PRKG1: variants seen among roughly 807,000 people sequenced by gnomAD.
PRKG1 encodes protein kinase cGMP-dependent 1.
In PRKG1, 35 loss-of-function variants were observed where a neutral mutation model predicts 88.1. The observed-to-expected ratio is 0.40, with a 90% CI of 0.30 to 0.53. The LOEUF is 0.53. Among genes scored for constraint, PRKG1 ranks in the 20% least tolerant of loss-of-function variants. PRKG1 has a pLI of 0.59. For synonymous variants in PRKG1, 303 were observed against 292.5 expected, an observed-to-expected ratio of 1.04 and a Z score of -0.37; for missense variants, 540 against 839.8, an observed-to-expected ratio of 0.64 and a Z score of 4.41.
chr10:51,196,521 G>A (rs895724791), intron 2 of PRKG1, among the ~76,000 whole-genome samples: 2 of 152,080 alleles, frequency 1.3e-5, no homozygotes. Flanking sequence ...AATAAAAATT[G>A]TACCAACTTT....
intron 1 of PRKG1, among the ~76,000 whole-genome samples, chr10:51,114,397 T>C (rs1445410387): frequency 6.6e-6 from 1 of 151,440 alleles, no homozygotes; most frequent in Non-Finnish European, 1.5e-5. Context: ...CAGTCAGCAA[T>C]TTGTCAGTTG....
At position 51,631,156 on chromosome 10, in the gene PRKG1, C is replaced by A. The variant is rs1372036631; in HGVS notation, c.592+163320C>A. On this transcript the variant is annotated intron_variant, in intron 3 of 17. Coordinates refer to ENST00000373980, the MANE Select transcript of PRKG1 (RefSeq NM_006258.4). The stretch of plus-strand genomic sequence containing the variant: ...TATTCTTGGTATTTTATTTTAAATG[C>A]AACTTTCCTTTTGTTGGCATTCTTA... Among the ~76,000 whole-genome samples, 4 of 152,154 alleles carry A rather than the reference C, an allele frequency of 2.6e-5. No homozygotes were observed. In the East Asian group the frequency reaches 7.7e-4, roughly 29 times the overall value.
chr10:52,204,062 G>A (rs1839745227), intron 9 of PRKG1, among the ~76,000 whole-genome samples: 1 of 142,578 alleles, frequency 7.0e-6, no homozygotes, highest in Non-Finnish European at 1.5e-5. Context: ...CTGTCACCAT[G>A]TTGTTCGCTG....
intron 5 of PRKG1, among the ~76,000 whole-genome samples, chr10:51,951,936 A>G (rs1425948697): frequency 6.6e-6 from 1 of 152,210 alleles, no homozygotes; most frequent in Non-Finnish European, 1.5e-5. Context: ...TTCATGCCAC[A>G]TCAATATTAT....
intron 4 of PRKG1, among the ~76,000 whole-genome samples, chr10:51,828,049 A>C (rs928765397): frequency 6.6e-6 from 1 of 152,168 alleles, no homozygotes; most frequent in African/African-American, 2.4e-5. Flanking sequence ...AAAAGTCAGT[A>C]ATGACTAATT....
At chr10:51,482,022 G>A (rs548171293) in intron 3 of PRKG1, among the ~76,000 whole-genome samples, 42 of 152,036 alleles carry the variant, frequency 2.8e-4, no homozygotes, top group African/African-American at 8.9e-4. Flanking sequence ...TCTGTACTTC[G>A]AAAGCATTAT....
At chr10:51,279,192 C>T (rs1329036701) in intron 2 of PRKG1, among the ~76,000 whole-genome samples, 2 of 152,148 alleles carry the variant, frequency 1.3e-5, no homozygotes, top group Admixed American at 1.3e-4. Flanking sequence ...ATCTTTATTT[C>T]TGCCTTCATT....
chr10:51,080,781 A>T (rs115153705), intron 1 of PRKG1, among the ~76,000 whole-genome samples: 1 of 151,940 alleles, frequency 6.6e-6, no homozygotes, highest in African/African-American at 2.4e-5. Context: ...GCTTCCTCAC[A>T]CTCAGTTCTG....
At chr10:52,087,756 GGTTTTTTTTGGTAGGA>G (rs1481397251) in intron 7 of PRKG1, among the ~76,000 whole-genome samples, 12 of 152,006 alleles carry the variant, frequency 7.9e-5, no homozygotes, top group Non-Finnish European at 1.8e-4. Flanking sequence ...GCTATTCTTA[GGTTTTTTTTGGTAGGA>G]GTGTCTGAGA....
At position 52,027,633 on chromosome 10, in the gene PRKG1, TTGCAATGAC is replaced by T. The variant is rs575117464; in HGVS notation, c.763-26850_763-26842del. Among the ~76,000 whole-genome samples the T allele has an allele frequency of 2.5e-3, 380 of 152,344 alleles. 2 individuals carry two copies. Among genetic ancestry groups the T allele is most frequent in the African/African-American group, 8.5e-3 (354 of 41,570 alleles). On this transcript the variant is annotated intron_variant, in intron 5 of 17. Coordinates refer to ENST00000373980, the MANE Select transcript of PRKG1 (RefSeq NM_006258.4). Reference sequence around the variant, plus strand: ...AAGGAGGTAATAATTCAGTCAGCCTTTGCAATGACAGTCTATGACAGTGACTTGCTGCTT... The same window carrying T: ...AAGGAGGTAATAATTCAGTCAGCCTTAGTCTATGACAGTGACTTGCTGCTT...
At chr10:51,946,206 C>T (rs1006460159) in intron 5 of PRKG1, among the ~76,000 whole-genome samples, 26 of 152,154 alleles carry the variant, frequency 1.7e-4, no homozygotes, top group Non-Finnish European at 2.9e-5. Context: ...TCATTTCATT[C>T]ATTTGATCTT....
At chr10:51,221,105 T>TAAA (rs1378018554) in intron 2 of PRKG1, among the ~76,000 whole-genome samples, 2 of 152,038 alleles carry the variant, frequency 1.3e-5, no homozygotes, top group Non-Finnish European at 2.9e-5. Flanking sequence ...ACACTTGCTT[T>TAAA]AGCAAAGTAA....
chr10:51,155,383 A>C (rs950005865), intron 2 of PRKG1, among the ~76,000 whole-genome samples: 2 of 152,056 alleles, frequency 1.3e-5, no homozygotes, highest in African/African-American at 4.8e-5. Flanking sequence ...TTACATATAA[A>C]ATTTATTTAA....
chr10:52,172,216 G>A (rs563570219), intron 9 of PRKG1, among the ~76,000 whole-genome samples: 1 of 152,302 alleles, frequency 6.6e-6, no homozygotes, highest in East Asian at 1.9e-4. Flanking sequence ...GTATGTGCTT[G>A]CTTGCAGCCT....
chr10:51,709,361 A>G (rs1429728821), intron 3 of PRKG1, among the ~76,000 whole-genome samples: 1 of 152,214 alleles, frequency 6.6e-6, no homozygotes, highest in African/African-American at 2.4e-5. Flanking sequence ...CATAGCAACA[A>G]TTCTTTCAGT....
At chr10:51,907,929 G>A in intron 5 of PRKG1, 1 of 173,954 alleles carries the variant, frequency 5.7e-6, no homozygotes, top group Non-Finnish European at 1.2e-5. Flanking sequence ...TTACAACTAG[G>A]ATTAGTAGTT....
intron 3 of PRKG1, among the ~76,000 whole-genome samples, chr10:51,732,555 A>G (rs966162307): frequency 3.3e-5 from 5 of 152,176 alleles, no homozygotes; most frequent in Admixed American, 2.6e-4. Flanking sequence ...TTCTTTTTTG[A>G]TATGGAATGC....
At chr10:52,204,291 G>A (rs888723088) in intron 9 of PRKG1, among the ~76,000 whole-genome samples, 2 of 151,850 alleles carry the variant, frequency 1.3e-5, no homozygotes, top group African/African-American at 4.8e-5. Flanking sequence ...AGACCATGTT[G>A]GCCAGGCTGG....
intron 1 of PRKG1, among the ~76,000 whole-genome samples, chr10:51,089,438 G>A (rs1360705347): frequency 6.6e-6 from 1 of 152,084 alleles, no homozygotes; most frequent in African/African-American, 2.4e-5. Flanking sequence ...ATTATGAGTT[G>A]GTAGAGACCA....
Sources: gnomAD v4.1 joint callset for allele counts (sites outside exome capture counted in the v4.1 genomes callset) on GRCh38, gnomAD v4.1.1 for gene constraint, MANE v1.5 for transcripts, NCBI Gene and HGNC (gene_info 2026-07-23, HGNC 2026-07-21) for gene names.